The following ADCY2 variants were observed in gnomAD, a reference collection of about 807,000 sequenced individuals.
The protein encoded by ADCY2 is adenylate cyclase 2.
In ADCY2, 31 loss-of-function variants were observed where a neutral mutation model predicts 125.2. The observed-to-expected ratio is 0.25, with a 90% CI of 0.19 to 0.33. ADCY2 has a LOEUF of 0.33. ADCY2 is among the 10% of genes least tolerant of loss of function. The probability of loss-of-function intolerance (pLI) is 1.00; values close to 1 mark genes in which losing one functional copy is unlikely to be tolerated. For synonymous variants in ADCY2, 512 were observed against 548.4 expected (o/e 0.93, Z 0.93); for missense variants, 904 against 1,418.2 (o/e 0.64, Z 5.82).
At chr5:7,569,892 C>T (rs1460896368) in intron 3 of ADCY2, among the ~76,000 whole-genome samples, 2 of 152,078 alleles carry the variant, frequency 1.3e-5, no homozygotes, top group Non-Finnish European at 1.5e-5. Context: ...TCTACTCACA[C>T]GTGTATGGGA....
chr5:7,562,679 G>A (rs140949454), intron 3 of ADCY2, among the ~76,000 whole-genome samples: 129 of 152,218 alleles, frequency 8.5e-4, no homozygotes, highest in African/African-American at 3.0e-3. Context: ...TTAGTAGTGG[G>A]AAACAGACGA....
chr5:7,677,451 T>A (rs972774828), intron 4 of ADCY2, among the ~76,000 whole-genome samples: 2 of 152,140 alleles, frequency 1.3e-5, no homozygotes, highest in African/African-American at 4.8e-5. Flanking sequence ...TTACGTTGAC[T>A]AACAGGAAAT....
At chr5:7,612,185 A>G (rs779678810) in intron 3 of ADCY2, among the ~76,000 whole-genome samples, 1 of 152,238 alleles carries the variant, frequency 6.6e-6, no homozygotes, top group Non-Finnish European at 1.5e-5. Context: ...TCCTATAAAA[A>G]GGAATCATTT....
At chr5:7,487,863 A>G (rs1561052739) in intron 2 of ADCY2, among the ~76,000 whole-genome samples, 1 of 152,160 alleles carries the variant, frequency 6.6e-6, no homozygotes, top group Non-Finnish European at 1.5e-5. Flanking sequence ...CAAAATATAC[A>G]TTCTTATGTG....
intron 16 of ADCY2, among the ~76,000 whole-genome samples, chr5:7,762,103 C>T (rs938243727): frequency 1.3e-5 from 2 of 152,202 alleles, no homozygotes; most frequent in Non-Finnish European, 2.9e-5. Context: ...CCCCACTTTT[C>T]CTGTCTATCG....
chr5:7,564,200 A>G (rs369050709), intron 3 of ADCY2, among the ~76,000 whole-genome samples: 12 of 152,300 alleles, frequency 7.9e-5, no homozygotes, highest in African/African-American at 2.2e-4. Flanking sequence ...AGGGTTGGTT[A>G]TCTGTTGGTC....
intron 1 of ADCY2, among the ~76,000 whole-genome samples, chr5:7,408,821 C>T (rs1357258169): frequency 2.6e-5 from 4 of 152,154 alleles, no homozygotes; most frequent in African/African-American, 9.7e-5. Context: ...GACAGCGTTA[C>T]GATTCCTCAA....
At chr5:7,714,817 A>C (rs915946098) in intron 11 of ADCY2, among the ~76,000 whole-genome samples, 3 of 152,246 alleles carry the variant, frequency 2.0e-5, no homozygotes, top group Non-Finnish European at 2.9e-5. Context: ...GGACTGCCTC[A>C]TAATACCTGT....
intron 4 of ADCY2, among the ~76,000 whole-genome samples, chr5:7,682,168 T>C (rs536254604): frequency 6.2e-4 from 94 of 152,316 alleles, no homozygotes; most frequent in African/African-American, 2.1e-3. Flanking sequence ...GGAACTGATA[T>C]ATGGGAAGTG....
intron 22 of ADCY2, among the ~76,000 whole-genome samples, chr5:7,807,807 G>C (rs144062826): frequency 5.2e-4 from 79 of 152,054 alleles, no homozygotes; most frequent in African/African-American, 1.9e-3. Flanking sequence ...CTACTGCCCT[G>C]ACCCATCCCC....
intron 20 of ADCY2, chr5:7,794,499 C>T (rs938462747): frequency 2.6e-5 from 4 of 152,172 alleles, no homozygotes; most frequent in African/African-American, 9.7e-5. Context: ...GCATGCAAAA[C>T]AGAGCCCACA....
chr5:7,556,632 A>T (rs930830812), intron 3 of ADCY2, among the ~76,000 whole-genome samples: 2 of 152,174 alleles, frequency 1.3e-5, no homozygotes, highest in Admixed American at 6.5e-5. Context: ...CCAGGGCTGC[A>T]GACTGGTACT....
intron 4 of ADCY2, among the ~76,000 whole-genome samples, chr5:7,666,354 A>T (rs568878052): frequency 9.7e-4 from 144 of 149,214 alleles, no homozygotes; most frequent in African/African-American, 3.4e-3. Flanking sequence ...CTGCAAGCTC[A>T]GCCTCCCAGG....
At chr5:7,667,857 T>C (rs1739811110) in intron 4 of ADCY2, among the ~76,000 whole-genome samples, 1 of 152,042 alleles carries the variant, frequency 6.6e-6, no homozygotes, top group Non-Finnish European at 1.5e-5. Flanking sequence ...TACGACAGTA[T>C]CAGGGATGCA....
At chr5:7,725,120 A>G (rs1371480903) in intron 13 of ADCY2, among the ~76,000 whole-genome samples, 1 of 152,206 alleles carries the variant, frequency 6.6e-6, no homozygotes, top group East Asian at 1.9e-4. Flanking sequence ...TCAGGCACAA[A>G]TAAGTAAGCA....
At chr5:7,803,659 G>A (rs939650007) in intron 21 of ADCY2, among the ~76,000 whole-genome samples, 1 of 152,122 alleles carries the variant, frequency 6.6e-6, no homozygotes, top group African/African-American at 2.4e-5. Context: ...AGCACTTTAG[G>A]TGGCCAAGGT....
intron 3 of ADCY2, among the ~76,000 whole-genome samples, chr5:7,568,132 A>T (rs1421604960): frequency 6.6e-6 from 1 of 152,178 alleles, no homozygotes; most frequent in Non-Finnish European, 1.5e-5. Flanking sequence ...TCAATGTAGT[A>T]TGGAATGAGA....
intron 4 of ADCY2, among the ~76,000 whole-genome samples, chr5:7,658,564 C>T (rs2126690211): frequency 6.6e-6 from 1 of 152,108 alleles, no homozygotes; most frequent in East Asian, 1.9e-4. Context: ...GGACTACAAG[C>T]ATGAGGCACC....
At chr5:7,742,577 C>G (rs1291550852) in intron 14 of ADCY2, among the ~76,000 whole-genome samples, 1 of 152,136 alleles carries the variant, frequency 6.6e-6, no homozygotes, top group East Asian at 1.9e-4. Context: ...TCCCTGTAGT[C>G]ATCCCTCTTA....
Sources: allele counts gnomAD v4.1 joint callset (sites outside exome capture counted in the v4.1 genomes callset), GRCh38; gene constraint gnomAD v4.1.1; transcripts MANE v1.5; gene names NCBI Gene and HGNC (gene_info 2026-07-23, HGNC 2026-07-21).